Variants in GMPS observed in about 807,000 individuals in gnomAD.
GMPS encodes the protein guanosine monophosphate synthase.
In GMPS, 15 loss-of-function variants were observed where a neutral mutation model predicts 77.9. The ratio of observed to expected loss-of-function variants is 0.19; its 90% confidence interval spans 0.13 to 0.30. The LOEUF is 0.30. GMPS is among the 10% of genes least tolerant of loss of function. The pLI is 1.00. For synonymous variants in GMPS, 224 were observed against 275.9 expected (o/e 0.81, Z 1.86); for missense variants, 590 against 838.8 (o/e 0.70, Z 3.66).
At chr3:155,933,987 T>G (rs1577538077) in intron 13 of GMPS, among the ~76,000 whole-genome samples, 1 of 152,214 alleles carries the variant, frequency 6.6e-6, no homozygotes, top group East Asian at 1.9e-4. Context: ...AATGAATCAT[T>G]TTTTTGGAAG....
At chr3:155,888,587 AAT>A (rs1491385364) in intron 1 of GMPS, among the ~76,000 whole-genome samples, 1 of 149,060 alleles carries the variant, frequency 6.7e-6, no homozygotes, top group African/African-American at 2.5e-5. Context: ...ACTCCCAGCT[AAT>A]TTTTTTTTTT....
intron 9 of GMPS, among the ~76,000 whole-genome samples, chr3:155,916,957 AG>A (rs1400410113): frequency 2.0e-5 from 3 of 151,648 alleles, no homozygotes; most frequent in Non-Finnish European, 4.4e-5. Context: ...CATAACATAA[AG>A]CTTACCATCT....
intron 1 of GMPS, among the ~76,000 whole-genome samples, chr3:155,890,135 A>G (rs1274078688): frequency 6.6e-6 from 1 of 152,238 alleles, no homozygotes; most frequent in Non-Finnish European, 1.5e-5. Context: ...AAGCTGTGAC[A>G]GTTGCTGCAT....
upstream of GMPS, among the ~76,000 whole-genome samples, chr3:155,870,036 C>T (rs1014853126): frequency 3.3e-5 from 5 of 152,304 alleles, no homozygotes; most frequent in Admixed American, 1.3e-4. Context: ...CAGCTGCTCA[C>T]CAGATTACCA....
At position 155,873,638 on chromosome 3, in the gene GMPS, C is replaced by CTTTTTTTTTTTTTTTTTTTT. The variant is rs58365650; in HGVS notation, c.27+2755_27+2756insTTTTTTTTTTTTTTTTTTTT. The stretch of plus-strand genomic sequence containing the variant: ...TGTCGTTAGGTTACATGAGTAAGTT[C>CTTTTTTTTTTTTTTTTTTTT]TTTTTTTTTTTTTTGAGATGGAGTC... On this transcript the variant is annotated intron_variant, in intron 1 of 15. Coordinates refer to ENST00000496455, the MANE Select transcript of GMPS (RefSeq NM_003875.3). 4.4e-4 allele frequency among the ~76,000 whole-genome samples: 36 copies of CTTTTTTTTTTTTTTTTTTTT among 82,524 alleles called. 8 individuals carry two copies. Among genetic ancestry groups the CTTTTTTTTTTTTTTTTTTTT allele is most frequent in the East Asian group, 7.9e-4 (2 of 2,544 alleles). 54.1% of individuals were successfully genotyped at this position (82,524 alleles called of 152,430 possible).
intron 1 of GMPS, among the ~76,000 whole-genome samples, chr3:155,879,116 A>G (rs1754141459): frequency 6.6e-6 from 1 of 152,008 alleles, no homozygotes; most frequent in Non-Finnish European, 1.5e-5. Flanking sequence ...TTCTGTGTCT[A>G]CTGATTCAAA....
At chr3:155,900,320 C>T (rs1379766468) in intron 3 of GMPS, among the ~76,000 whole-genome samples, 2 of 149,536 alleles carry the variant, frequency 1.3e-5, no homozygotes, top group African/African-American at 4.9e-5. Flanking sequence ...ATCTAGTAGT[C>T]TTAGAAGAGC....
chr3:155,892,004 A>T (rs1197564520), intron 1 of GMPS, among the ~76,000 whole-genome samples: 1 of 152,194 alleles, frequency 6.6e-6, no homozygotes, highest in Non-Finnish European at 1.5e-5. Context: ...GGTGGAAAAG[A>T]TTACACAAGT....
intron 1 of GMPS, among the ~76,000 whole-genome samples, chr3:155,893,203 A>G (rs1249500910): frequency 1.3e-5 from 2 of 152,216 alleles, no homozygotes; most frequent in African/African-American, 4.8e-5. Flanking sequence ...AACCAGGACT[A>G]TATTTTGGCG....
chr3:155,877,356 T>A (rs1272769321), intron 1 of GMPS, among the ~76,000 whole-genome samples: 2 of 152,302 alleles, frequency 1.3e-5, no homozygotes, highest in East Asian at 1.9e-4. Context: ...CCTAAAAAAA[T>A]TTTTATAACA....
rs1319530732 is a variant in GMPS at position 155,913,651 on chromosome 3, G to A, written c.887-768G>A. On this transcript the variant is annotated intron_variant, in intron 7 of 15. Coordinates refer to ENST00000496455, the MANE Select transcript of GMPS (RefSeq NM_003875.3). ...ATTCTCTTGCCTCAGCCTCTGAGTA[G>A]CTGGGATTGCAGACATGTGCCACTA... Among the ~76,000 whole-genome samples, 5 of 151,744 alleles carry A rather than the reference G, an allele frequency of 3.3e-5. No individual in the cohort carries two copies. In the East Asian group the frequency reaches 9.7e-4, roughly 30 times the overall value.
At chr3:155,894,113 T>A (rs1044407883) in intron 2 of GMPS, among the ~76,000 whole-genome samples, 1 of 152,234 alleles carries the variant, frequency 6.6e-6, no homozygotes, top group African/African-American at 2.4e-5. Flanking sequence ...GTATGGAGAT[T>A]TCTTAAATCT....
At chr3:155,936,606 AT>A (rs1755771174) in intron 15 of GMPS, 96 bp downstream of exon 15, 1 of 720,574 alleles carries the variant, frequency 1.4e-6, no homozygotes, top group African/African-American at 1.8e-5. Context: ...TGTATTTCTT[AT>A]GTTGGTTTTC....
rs1755121069 is a variant in GMPS, at chr3:155,914,484, A to G, written c.952A>G (p.Thr318Ala). 3 of 1,605,938 alleles carry G rather than the reference A, an allele frequency of 1.9e-6. No individual in the cohort carries two copies. The highest frequency in any genetic ancestry group is 2.5e-6 in the Non-Finnish European group (3 of 1,176,532). Reference sequence around the variant, plus strand: ...CCTACCAATATCAGATGAAGATAGAACCCCACGGAAAAGAATTAGCAAAAC... The same window carrying G: ...CCTACCAATATCAGATGAAGATAGAGCCCCACGGAAAAGAATTAGCAAAAC... ...TTLPISDEDRTPRKRISKTLN... is the reference protein window; with the variant it reads ...TTLPISDEDRAPRKRISKTLN... The change falls in exon 8 of 16, where the codon ACC (threonine) becomes GCC (alanine). Residue 318 changes from threonine to alanine, a missense_variant. Thr to Ala is a moderately conservative substitution (Grantham distance 58). Around this residue, in one of 6 missense-constraint regions of GMPS, gnomAD observed 181 missense variants for 186.8 expected, o/e 0.97. Coordinates refer to ENST00000496455, the MANE Select transcript of GMPS (RefSeq NM_003875.3).
chr3:155,914,184 G>C (rs1480968663), intron 7 of GMPS, among the ~76,000 whole-genome samples: 1 of 151,930 alleles, frequency 6.6e-6, no homozygotes, highest in Non-Finnish European at 1.5e-5. Context: ...CTGACCTCGT[G>C]ATCCACCTGT....
Position 155,938,946 on chromosome 3 carries a change from T to A in GMPS, c.*1254T>A, listed in dbSNP as rs557939993. 1 of 217,640 alleles carries A rather than the reference T, an allele frequency of 4.6e-6. No homozygotes were observed. The highest frequency in any genetic ancestry group is 9.2e-6 in the Non-Finnish European group (1 of 108,408). 13.5% of individuals were successfully genotyped at this position (217,640 alleles called of 1,614,324 possible). ...CCATATTTTTCTCTTAACAATTCCA[T>A]CTCAGGTTGCTGCTGCTTGTCTAGT... On this transcript the variant is annotated 3_prime_UTR_variant, in exon 16 of 16. Transcript: ENST00000496455.
In GMPS at chr3:155,931,751, C is replaced by T. The variant is rs1412681432; in HGVS notation, c.1561-14C>T. 6 of 997,520 alleles carry T rather than the reference C, an allele frequency of 6.0e-6. No individual in the cohort carries two copies. Among genetic ancestry groups the T allele is most frequent in the Non-Finnish European group, 9.2e-6 (6 of 650,594 alleles). The allele number at this position is 997,520 out of a possible 1,614,324, so 61.8% of individuals were successfully genotyped here. A position where few individuals can be genotyped will look rare whatever the true frequency, so the allele number is the denominator to read the frequency against. On this transcript the variant is annotated splice_polypyrimidine_tract_variant and intron_variant, in intron 12 of 15. Transcript: ENST00000496455. ...TTGACTATTAAAAATTATTGATTATCTTTTTATTTTCAGGGTGACTGTCGT... is the reference window on the plus strand; with the variant it reads ...TTGACTATTAAAAATTATTGATTATTTTTTTATTTTCAGGGTGACTGTCGT...
intron 10 of GMPS, 149 bp from the exon 11 acceptor site, chr3:155,922,038 T>A: frequency 2.2e-6 from 1 of 457,702 alleles, no homozygotes; most frequent in East Asian, 3.8e-5. Context: ...AATGGGAAAC[T>A]AATAGCTACA....
Position 155,942,280 on chromosome 3 carries a change from G to A in GMPS, c.*4588G>A. The stretch of plus-strand genomic sequence containing the variant: ...TTTTTTGTACTTTTTAGTAGAGACA[G>A]GGTTTCACTGTGTTATACAGGATGG... On this transcript the variant is annotated 3_prime_UTR_variant, in exon 16 of 16. Coordinates refer to ENST00000496455, the MANE Select transcript of GMPS (RefSeq NM_003875.3). The A allele has an allele frequency of 5.4e-6, 1 of 184,394 alleles. No individual in the cohort carries two copies. Among genetic ancestry groups the A allele is most frequent in the Non-Finnish European group, 1.1e-5 (1 of 87,056 alleles). 11.4% of individuals were successfully genotyped at this position (184,394 alleles called of 1,614,324 possible).
Sources: allele counts gnomAD v4.1 joint callset (sites outside exome capture counted in the v4.1 genomes callset), GRCh38; gene constraint gnomAD v4.1.1; regional missense constraint gnomAD v4.1.1; transcripts MANE v1.5; gene names NCBI Gene and HGNC (gene_info 2026-07-23, HGNC 2026-07-21).